Variants in TCERG1L observed in about 807,000 individuals in gnomAD.
TCERG1L encodes the protein transcription elongation regulator 1-like protein.
In TCERG1L, 37 loss-of-function variants were observed where a neutral mutation model predicts 56.3. That is an observed-to-expected ratio of 0.66 (90% confidence interval 0.51 to 0.87). The LOEUF (loss-of-function observed/expected upper bound fraction) is 0.87. TCERG1L is among the 40% of genes least tolerant of loss of function. The pLI is 0.00. For missense variants in TCERG1L, 799 were observed against 774.2 expected (o/e 1.03, Z -0.38); for synonymous variants, 324 against 326.3 (o/e 0.99, Z 0.08).
intron 6 of TCERG1L, among the ~76,000 whole-genome samples, chr10:131,151,941 G>C (rs1845871337): frequency 6.6e-6 from 1 of 152,220 alleles, no homozygotes; most frequent in Non-Finnish European, 1.5e-5. Flanking sequence ...AATGGCCTGA[G>C]ATGTACTTTT....
chr10:131,215,562 C>T (rs945074129), intron 4 of TCERG1L, among the ~76,000 whole-genome samples: 2 of 152,038 alleles, frequency 1.3e-5, no homozygotes, highest in Non-Finnish European at 2.9e-5. Context: ...AGGAGCAGAC[C>T]CCAGCCTGAG....
At position 131,126,445 on chromosome 10, in the gene TCERG1L, G is replaced by C. The variant is rs1223051979; in HGVS notation, c.1259+7934C>G. Among the ~76,000 whole-genome samples, 2 of 152,334 alleles carry C rather than the reference G, an allele frequency of 1.3e-5. 1 individual carries two copies. The highest frequency in any genetic ancestry group is 4.1e-4 in the South Asian group (2 of 4,832). On this transcript the variant is annotated intron_variant, in intron 8 of 11. Coordinates refer to ENST00000368642, the MANE Select transcript of TCERG1L (RefSeq NM_174937.4). ...AGAAGGTGAAACACCTGCTGAAAAG[G>C]GTTTGCTGGTGGCCTCGTTCTGGCT...
intron 9 of TCERG1L, among the ~76,000 whole-genome samples, chr10:131,110,516 C>T (rs747980889): frequency 1.1e-4 from 16 of 152,208 alleles, no homozygotes; most frequent in Admixed American, 3.3e-4. Flanking sequence ...CTTGAGCAGA[C>T]TCTCAGCAGG....
At chr10:131,142,630 G>C (rs978172527) in intron 7 of TCERG1L, among the ~76,000 whole-genome samples, 1 of 152,216 alleles carries the variant, frequency 6.6e-6, no homozygotes, top group Non-Finnish European at 1.5e-5. Context: ...CTCGCACCAA[G>C]AGTCACCTGT....
chr10:131,147,385 C>T (rs1265751237), intron 6 of TCERG1L, among the ~76,000 whole-genome samples: 2 of 152,180 alleles, frequency 1.3e-5, no homozygotes, highest in Non-Finnish European at 2.9e-5. Flanking sequence ...CTAAGGAATG[C>T]GGGTCCGGGA....
rs573458882 is a variant in TCERG1L at position 131,104,273 on chromosome 10, G to T, written c.1477C>A (p.Arg493=). ...CCTTCCCACCCAGTTACCTGCTTTCGTTCCTCAGAGTTGAGCAGGAGATAG... is the reference window on the plus strand; with the variant it reads ...CCTTCCCACCCAGTTACCTGCTTTCTTTCCTCAGAGTTGAGCAGGAGATAG... ...PRYLLLNSEE[R]KQIFEQFVKT... is the part of the protein sequence containing the mutation. The change falls in exon 10 of 12, where the codon CGA becomes AGA. Residue 493 remains arginine (R), a synonymous_variant. Coordinates refer to ENST00000368642, the MANE Select transcript of TCERG1L (RefSeq NM_174937.4). 3.2e-6 allele frequency: 5 copies of T among 1,548,014 alleles called. No homozygotes were observed. Among genetic ancestry groups the T allele is most frequent in the East Asian group, 2.4e-5 (1 of 40,878 alleles).
At chr10:131,263,495 C>T (rs777539607) in intron 3 of TCERG1L, among the ~76,000 whole-genome samples, 3 of 152,134 alleles carry the variant, frequency 2.0e-5, no homozygotes, top group Non-Finnish European at 2.9e-5. Context: ...TCATGAGATG[C>T]TATAAAATGA....
chr10:131,238,315 G>A (rs1845936190), intron 4 of TCERG1L, among the ~76,000 whole-genome samples: 1 of 152,198 alleles, frequency 6.6e-6, no homozygotes, highest in South Asian at 2.1e-4. Flanking sequence ...GAGACAGTTT[G>A]CAGAAGATAT....
At chr10:131,277,441 T>C (rs906481247) in intron 3 of TCERG1L, among the ~76,000 whole-genome samples, 12 of 152,104 alleles carry the variant, frequency 7.9e-5, no homozygotes, top group Admixed American at 6.5e-5. Flanking sequence ...GCCGGGGAGA[T>C]AGTGGCCTGG....
intron 4 of TCERG1L, among the ~76,000 whole-genome samples, chr10:131,237,173 T>G (rs536933372): frequency 8.9e-4 from 135 of 152,122 alleles, no homozygotes; most frequent in Non-Finnish European, 1.0e-3. Flanking sequence ...TGCTGGAATA[T>G]TCTTCCCCAG....
At chr10:131,135,869 G>C (rs573639125) in intron 7 of TCERG1L, among the ~76,000 whole-genome samples, 33 of 152,352 alleles carry the variant, frequency 2.2e-4, no homozygotes, top group African/African-American at 7.9e-4. Context: ...GCAGAGCGGG[G>C]GATGAGCAGA....
chr10:131,215,753 G>A (rs58460488), intron 4 of TCERG1L, among the ~76,000 whole-genome samples: 15,329 of 152,114 alleles, frequency 0.1, 1,099 homozygotes, highest in East Asian at 0.25. Flanking sequence ...AAGTTGTTGC[G>A]GCCAAGAGTC....
chr10:131,305,803 A>G (rs933486093), intron 3 of TCERG1L, among the ~76,000 whole-genome samples: 2 of 151,576 alleles, frequency 1.3e-5, no homozygotes, highest in Non-Finnish European at 1.5e-5. Context: ...TCTGAATATA[A>G]AACTTTATAA....
At chr10:131,180,577 A>G (rs1461381895) in intron 4 of TCERG1L, among the ~76,000 whole-genome samples, 1 of 152,198 alleles carries the variant, frequency 6.6e-6, no homozygotes, top group Non-Finnish European at 1.5e-5. Context: ...TGTGTAGAAG[A>G]AAGAGAATTT....
In TCERG1L at chr10:131,293,143, GC is replaced by G. The variant is rs1846651201; in HGVS notation, c.670+15067del. ...TGGGATTAAAGGCATGAGCCACTAT[GC>G]CCGGTCTTATTTCTGTTTTTAAAAT... is the stretch of plus-strand genomic sequence containing the variant. On this transcript the variant is annotated intron_variant, in intron 3 of 11. Coordinates refer to ENST00000368642, the MANE Select transcript of TCERG1L (RefSeq NM_174937.4). Among the ~76,000 whole-genome samples the G allele has an allele frequency of 2.0e-5, 3 of 152,256 alleles. No individual in the cohort carries two copies. The South Asian group carries it at 6.2e-4, about 32-fold the overall frequency.
chr10:131,306,313 A>G (rs1382406213), intron 3 of TCERG1L, among the ~76,000 whole-genome samples: 2 of 152,314 alleles, frequency 1.3e-5, no homozygotes, highest in East Asian at 3.9e-4. Flanking sequence ...TTACCATCTC[A>G]AAACAAATAC....
chr10:131,142,519 G>C (rs530536624), intron 7 of TCERG1L, among the ~76,000 whole-genome samples: 5 of 152,240 alleles, frequency 3.3e-5, no homozygotes, highest in African/African-American at 1.2e-4. Context: ...TGGCTAAAGC[G>C]TTTACAGAGC....
chr10:131,098,093 C>T (rs1845267662), intron 11 of TCERG1L, among the ~76,000 whole-genome samples: 1 of 152,156 alleles, frequency 6.6e-6, no homozygotes, highest in Non-Finnish European at 1.5e-5. Flanking sequence ...GCCCACTTTC[C>T]CAGGACTGAT....
intron 4 of TCERG1L, among the ~76,000 whole-genome samples, chr10:131,218,961 T>TCC (rs1354299844): frequency 2.6e-5 from 4 of 151,892 alleles, no homozygotes; most frequent in African/African-American, 9.7e-5. Context: ...CTCAGAACCA[T>TCC]CCCTCCTGCC....
Sources: allele counts gnomAD v4.1 joint callset (sites outside exome capture counted in the v4.1 genomes callset), GRCh38; gene constraint gnomAD v4.1.1; transcripts MANE v1.5; gene names NCBI Gene and HGNC (gene_info 2026-07-23, HGNC 2026-07-21).